The following PCGF5 variants were observed in gnomAD, a reference collection of about 807,000 sequenced individuals.
PCGF5 encodes the protein polycomb group ring finger 5.
Under a neutral mutation model 44.3 loss-of-function variants are expected in PCGF5, and 9 were observed. The ratio of observed to expected loss-of-function variants is 0.20; its 90% CI spans 0.12 to 0.35. PCGF5 has a LOEUF of 0.35. Ranked by LOEUF, PCGF5 falls within the 10% of genes least tolerant of loss-of-function variation. PCGF5 has a pLI of 1.00. For synonymous variants in PCGF5, 95 were observed against 102.5 expected (o/e 0.93, Z 0.44); for missense variants, 146 against 305.3 (o/e 0.48, Z 3.89).
chr10:91,201,963 G>A (rs1364348438), intron 1 of PCGF5, among the ~76,000 whole-genome samples: 1 of 152,154 alleles, frequency 6.6e-6, no homozygotes, highest in East Asian at 1.9e-4. Flanking sequence ...AGAAGAAGCA[G>A]GGTGGCATCA....
At chr10:91,258,281 G>A (rs991659637) in intron 6 of PCGF5, among the ~76,000 whole-genome samples, 1 of 152,116 alleles carries the variant, frequency 6.6e-6, no homozygotes, top group African/African-American at 2.4e-5. Flanking sequence ...ATTGTAAGTA[G>A]TGATACAAAC....
chr10:91,253,240 TTG>T (rs1287346335), intron 6 of PCGF5, among the ~76,000 whole-genome samples: 7 of 152,152 alleles, frequency 4.6e-5, no homozygotes, highest in African/African-American at 1.7e-4. Flanking sequence ...CATAAGTAAA[TTG>T]TGTGTCACAG....
chr10:91,197,505 A>G (rs79825821), intron 1 of PCGF5, among the ~76,000 whole-genome samples: 4,309 of 152,054 alleles, frequency 0.028, 192 homozygotes, highest in African/African-American at 0.096. Flanking sequence ...ATATTATCTA[A>G]CCCCTGATGA....
At chr10:91,186,384 G>A (rs533185738) in intron 1 of PCGF5, among the ~76,000 whole-genome samples, 1 of 152,004 alleles carries the variant, frequency 6.6e-6, no homozygotes, top group Non-Finnish European at 1.5e-5. Context: ...AAGAGATGAA[G>A]GAATATAAAA....
intron 6 of PCGF5, 21 bp downstream of exon 6, chr10:91,251,461 G>A (rs1326546360): frequency 6.2e-7 from 1 of 1,602,392 alleles, no homozygotes; most frequent in Admixed American, 1.7e-5. Flanking sequence ...AAGTACTATG[G>A]TATTTTTATG....
chr10:91,197,014 C>A (rs1398741495), intron 1 of PCGF5, among the ~76,000 whole-genome samples: 1 of 151,896 alleles, frequency 6.6e-6, no homozygotes, highest in African/African-American at 2.4e-5. Flanking sequence ...TAAACAACAA[C>A]AACAAAAAAA....
At chr10:91,221,723 TAA>T (rs57050045) in intron 1 of PCGF5, among the ~76,000 whole-genome samples, 20,489 of 144,110 alleles carry the variant, frequency 0.14, 2,727 homozygotes, top group African/African-American at 0.35. Context: ...ATTTTACAGT[TAA>T]AAAAAAAAAA....
chr10:91,264,154 A>G (rs534399167), intron 7 of PCGF5, among the ~76,000 whole-genome samples: 7 of 152,240 alleles, frequency 4.6e-5, no homozygotes, highest in African/African-American at 1.4e-4. Context: ...GGACTAAGAA[A>G]GGTTACATTG....
chr10:91,259,667 A>ATAT (rs1845845469), intron 6 of PCGF5, among the ~76,000 whole-genome samples: 1 of 152,184 alleles, frequency 6.6e-6, no homozygotes, highest in Admixed American at 6.5e-5. Flanking sequence ...ATAATGCCGC[A>ATAT]TATCTACAAC....
At chr10:91,199,237 C>G (rs112574400) in intron 1 of PCGF5, among the ~76,000 whole-genome samples, 2,589 of 152,196 alleles carry the variant, frequency 0.017, 46 homozygotes, top group South Asian at 0.039. Flanking sequence ...GGTTGGGTTC[C>G]CTGGGAAGCT....
intron 6 of PCGF5, among the ~76,000 whole-genome samples, chr10:91,260,765 A>T (rs1845883888): frequency 7.2e-6 from 1 of 139,840 alleles, no homozygotes; most frequent in Non-Finnish European, 1.5e-5. Flanking sequence ...AACAATGAGA[A>T]CACATGGACA....
chr10:91,244,985 C>T (rs2133360640), intron 3 of PCGF5, among the ~76,000 whole-genome samples: 1 of 152,206 alleles, frequency 6.6e-6, no homozygotes, highest in South Asian at 2.1e-4. Flanking sequence ...TGGAGAAAAA[C>T]ATTTGGTAGT....
intron 2 of PCGF5, chr10:91,227,413 G>C: frequency 3.9e-6 from 5 of 1,289,404 alleles, no homozygotes; most frequent in Non-Finnish European, 5.1e-6. Flanking sequence ...ATGATCAAAT[G>C]GGATGCCAGC....
chr10:91,182,781 C>G (rs147724459), intron 1 of PCGF5, among the ~76,000 whole-genome samples: 6 of 152,282 alleles, frequency 3.9e-5, no homozygotes, highest in African/African-American at 1.4e-4. Flanking sequence ...TGATTTCTGC[C>G]TTAATTTCAT....
At position 91,283,745 on chromosome 10, in the gene PCGF5, A is replaced by G. The variant is rs540445252; in HGVS notation, c.*5429A>G. 1 of 152,456 alleles carries G rather than the reference A, an allele frequency of 6.6e-6. No individual in the cohort carries two copies. Among genetic ancestry groups the G allele is most frequent in the Non-Finnish European group, 1.5e-5 (1 of 68,036 alleles). The allele number at this position is 152,456 out of a possible 1,614,324, so 9.4% of individuals were successfully genotyped here. On this transcript the variant is annotated 3_prime_UTR_variant, in exon 10 of 10. Coordinates refer to ENST00000336126, the MANE Select transcript of PCGF5 (RefSeq NM_032373.5). ...TGCTGCTTTCCTGCATCTGAGCAAC[A>G]CAACAGAGATCATCAGTTTTAAATA...
intron 1 of PCGF5, among the ~76,000 whole-genome samples, chr10:91,207,436 A>G (rs1178411633): frequency 2.0e-5 from 3 of 152,218 alleles, no homozygotes; most frequent in Non-Finnish European, 4.4e-5. Context: ...CTCTGTATAT[A>G]CATGTTACTA....
chr10:91,191,420 C>T (rs370620079), intron 1 of PCGF5, among the ~76,000 whole-genome samples: 50 of 152,282 alleles, frequency 3.3e-4, no homozygotes, highest in African/African-American at 1.2e-3. Flanking sequence ...TATCATCACA[C>T]TACTCAGATG....
In PCGF5 at chr10:91,229,316, T is replaced by G. The variant is rs867898201; in HGVS notation, c.112+6333T>G. Among the ~76,000 whole-genome samples the G allele has an allele frequency of 3.9e-5, 6 of 152,188 alleles. No homozygotes were observed. In the South Asian group the frequency reaches 1.2e-3, roughly 32 times the overall value. On this transcript the variant is annotated intron_variant, in intron 2 of 9. Coordinates refer to ENST00000336126, the MANE Select transcript of PCGF5 (RefSeq NM_032373.5). Reference sequence around the variant, plus strand: ...CAGACAATAAGTAAGTAAAGTGGAATTTCAGGTGCTATACATGACAAATGC... The same window carrying G: ...CAGACAATAAGTAAGTAAAGTGGAAGTTCAGGTGCTATACATGACAAATGC...
At chr10:91,181,995 C>T (rs1442363843) in intron 1 of PCGF5, among the ~76,000 whole-genome samples, 2 of 151,894 alleles carry the variant, frequency 1.3e-5, no homozygotes, top group African/African-American at 4.8e-5. Flanking sequence ...TTCAGGAATT[C>T]AGTTTCTTCC....
Sources: gnomAD v4.1 joint callset for allele counts (sites outside exome capture counted in the v4.1 genomes callset) on GRCh38, gnomAD v4.1.1 for gene constraint, MANE v1.5 for transcripts, NCBI Gene and HGNC (gene_info 2026-07-23, HGNC 2026-07-21) for gene names.